Variants in SNTB1 observed in about 807,000 individuals in gnomAD.
The protein encoded by SNTB1 is syntrophin beta 1.
A neutral mutation model predicts 48.9 loss-of-function variants in SNTB1; 36 were observed. The observed-to-expected ratio is 0.74, with a 90% CI of 0.56 to 0.97. SNTB1 has a LOEUF of 0.97. SNTB1 is among the 50% of genes least tolerant of loss of function. SNTB1 has a pLI of 0.00. For synonymous variants in SNTB1, 299 were observed against 294.6 expected, an observed-to-expected ratio of 1.01 and a Z score of -0.15; for missense variants, 786 against 703.4, an observed-to-expected ratio of 1.12 and a Z score of -1.33.
At chr8:120,591,286 T>C (rs1381102860) in intron 3 of SNTB1, among the ~76,000 whole-genome samples, 1 of 152,244 alleles carries the variant, frequency 6.6e-6, no homozygotes, top group African/African-American at 2.4e-5. Context: ...CATCTTCTTA[T>C]GTGTTCCTCA....
chr8:120,754,494 G>C (rs1819280723), intron 1 of SNTB1, among the ~76,000 whole-genome samples: 1 of 151,962 alleles, frequency 6.6e-6, no homozygotes, highest in South Asian at 2.1e-4. Context: ...AAAAAAGAAA[G>C]AAGAAGAAGA....
intron 1 of SNTB1, among the ~76,000 whole-genome samples, chr8:120,737,513 T>C (rs541838332): frequency 6.6e-6 from 1 of 152,332 alleles, no homozygotes; most frequent in East Asian, 1.9e-4. Context: ...ACATATCTTA[T>C]GAACTAGCAA....
At chr8:120,645,251 T>G (rs1408600972) in intron 2 of SNTB1, among the ~76,000 whole-genome samples, 1 of 152,158 alleles carries the variant, frequency 6.6e-6, no homozygotes, top group Non-Finnish European at 1.5e-5. Context: ...GCCTATGTCC[T>G]GAATGGTAAT....
rs201465662 is a variant in SNTB1, at chr8:120,699,099, T to C, written c.572-5191A>G. ...TCAGGCTTCTGCTTCCTGACTGCTC[T>C]GTATCCCTGGTGTGCTGTCTAATGA... On this transcript the variant is annotated intron_variant, in intron 1 of 6. Transcript: ENST00000517992. Among the ~76,000 whole-genome samples the C allele has an allele frequency of 2.1e-4, 32 of 152,346 alleles. No homozygotes were observed. In the East Asian group the frequency reaches 6.2e-3, roughly 29 times the overall value.
chr8:120,772,708 A>G (rs1819659961), intron 1 of SNTB1, among the ~76,000 whole-genome samples: 1 of 152,258 alleles, frequency 6.6e-6, no homozygotes, highest in South Asian at 2.1e-4. Context: ...TGCCACAGAT[A>G]GGAAAGAGGA....
chr8:120,570,296 A>C (rs1443150474), intron 4 of SNTB1: 2 of 152,180 alleles, frequency 1.3e-5, no homozygotes, highest in Non-Finnish European at 2.9e-5. Flanking sequence ...GCAAAATTGG[A>C]TTCAGCAGTC....
At chr8:120,735,871 G>T (rs1041159562) in intron 1 of SNTB1, among the ~76,000 whole-genome samples, 1 of 152,138 alleles carries the variant, frequency 6.6e-6, no homozygotes, top group Admixed American at 6.5e-5. Flanking sequence ...CAGCACCATG[G>T]GTGGCTCACA....
At chr8:120,566,222 G>A (rs906054809) in intron 4 of SNTB1, among the ~76,000 whole-genome samples, 11 of 151,770 alleles carry the variant, frequency 7.2e-5, no homozygotes, top group African/African-American at 2.4e-4. Flanking sequence ...CTAGCTACTT[G>A]GGAGGCTAAG....
At chr8:120,562,849 C>T (rs1296921273) in intron 4 of SNTB1, among the ~76,000 whole-genome samples, 1 of 152,002 alleles carries the variant, frequency 6.6e-6, no homozygotes, top group African/African-American at 2.4e-5. Flanking sequence ...TTCTTTCACT[C>T]TTCACAATAA....
chr8:120,759,054 A>G (rs1272139547), intron 1 of SNTB1, among the ~76,000 whole-genome samples: 1 of 152,112 alleles, frequency 6.6e-6, no homozygotes, highest in Non-Finnish European at 1.5e-5. Flanking sequence ...TACAGGCATG[A>G]GCCACCTTGC....
intron 1 of SNTB1, among the ~76,000 whole-genome samples, chr8:120,709,036 A>G (rs1167082790): frequency 6.6e-6 from 1 of 152,162 alleles, no homozygotes; most frequent in African/African-American, 2.4e-5. Flanking sequence ...AAAATGTTAA[A>G]CAAATGAATG....
At chr8:120,713,025 T>C (rs1450336039) in intron 1 of SNTB1, among the ~76,000 whole-genome samples, 1 of 152,172 alleles carries the variant, frequency 6.6e-6, no homozygotes, top group South Asian at 2.1e-4. Flanking sequence ...GCATCTAAAA[T>C]GCATTGACTC....
intron 2 of SNTB1, among the ~76,000 whole-genome samples, chr8:120,654,149 G>A (rs558465781): frequency 1.1e-4 from 16 of 146,680 alleles, no homozygotes; most frequent in African/African-American, 3.7e-4. Context: ...GAACCATTCT[G>A]ATGTAAGGAA....
At chr8:120,726,174 A>T (rs540655244) in intron 1 of SNTB1, among the ~76,000 whole-genome samples, 2 of 152,314 alleles carry the variant, frequency 1.3e-5, no homozygotes, top group African/African-American at 4.8e-5. Flanking sequence ...ATTGTTTAAG[A>T]ACTATGTTTA....
intron 1 of SNTB1, among the ~76,000 whole-genome samples, chr8:120,757,790 T>A (rs1434340897): frequency 6.6e-6 from 1 of 152,146 alleles, no homozygotes; most frequent in Non-Finnish European, 1.5e-5. Context: ...TAATCAGATT[T>A]CTCCCTACCA....
At position 120,678,994 on chromosome 8, in the gene SNTB1, C is replaced by T. The variant is rs187441959; in HGVS notation, c.788+14698G>A. 3.6e-3 allele frequency among the ~76,000 whole-genome samples: 551 copies of T among 152,338 alleles called. 2 individuals carry two copies. The highest frequency in any genetic ancestry group is 0.012 in the African/African-American group (512 of 41,584). ...CAACCCCAGCTGGGCCACTGTTCCCCTCCCAGGGCTATAGTCCTCTCCAGG... is the reference window on the plus strand; with the variant it reads ...CAACCCCAGCTGGGCCACTGTTCCCTTCCCAGGGCTATAGTCCTCTCCAGG... On this transcript the variant is annotated intron_variant, in intron 2 of 6. Coordinates refer to ENST00000517992, the MANE Select transcript of SNTB1 (RefSeq NM_021021.4).
At chr8:120,581,959 C>T (rs1325912526) in intron 3 of SNTB1, among the ~76,000 whole-genome samples, 1 of 151,644 alleles carries the variant, frequency 6.6e-6, no homozygotes, top group Non-Finnish European at 1.5e-5. Context: ...TGCTTGAACC[C>T]GGGAGGTGGA....
intron 3 of SNTB1, among the ~76,000 whole-genome samples, chr8:120,587,185 C>T (rs764756488): frequency 3.9e-5 from 6 of 152,088 alleles, no homozygotes; most frequent in Non-Finnish European, 5.9e-5. Context: ...CGCACCACTG[C>T]ACTCCAGCCT....
At chr8:120,542,946 GACC>G (rs1217504392) in intron 5 of SNTB1, among the ~76,000 whole-genome samples, 3 of 152,140 alleles carry the variant, frequency 2.0e-5, no homozygotes, top group Non-Finnish European at 4.4e-5. Flanking sequence ...GTTGCTGACA[GACC>G]TCAGATGTGG....
Sources: allele counts gnomAD v4.1 joint callset (sites outside exome capture counted in the v4.1 genomes callset), GRCh38; gene constraint gnomAD v4.1.1; transcripts MANE v1.5; gene names NCBI Gene and HGNC (gene_info 2026-07-23, HGNC 2026-07-21).